Variants in LTN1 observed in about 807,000 individuals in gnomAD.
LTN1 encodes the protein E3 ubiquitin-protein ligase listerin.
LTN1 carries 88 observed loss-of-function variants against 201.2 expected under a neutral mutation model. That is an observed-to-expected ratio of 0.44 (90% CI 0.37 to 0.52). The LOEUF is 0.52. Among genes scored for constraint, LTN1 ranks in the 20% least tolerant of loss-of-function variants. LTN1 has a pLI of 0.00. For synonymous variants in LTN1, 645 were observed against 713.5 expected, an observed-to-expected ratio of 0.90 and a Z score of 1.53; for missense variants, 1,752 against 2,038.7, an observed-to-expected ratio of 0.86 and a Z score of 2.71.
intron 26 of LTN1, among the ~76,000 whole-genome samples, chr21:28,935,534 G>T (rs980203987): frequency 5.9e-5 from 9 of 152,064 alleles, no homozygotes; most frequent in Non-Finnish European, 5.9e-5. Context: ...AATGGCAAAA[G>T]AATTTTTTTT....
Position 28,969,582 on chromosome 21 carries a change from T to G in LTN1, c.1195A>C (p.Lys399Gln). Residue 399 changes from lysine (K) to glutamine (Q), a missense_variant, in exon 9 of 30, where the codon AAA (lysine) becomes CAA (glutamine). Lys to Gln is a moderately conservative substitution (Grantham distance 53). This residue lies in a region of LTN1 where 1,211 missense variants were observed against 1,312.8 expected (regional missense o/e 0.92). Coordinates refer to ENST00000361371, the MANE Select transcript of LTN1 (RefSeq NM_015565.3). ...GCCGAGGACTCTAAAGAGCTGGTTTTAGTTCTCTCTGTTGACAGCCTAAGA... is the reference window on the plus strand; with the variant it reads ...GCCGAGGACTCTAAAGAGCTGGTTTGAGTTCTCTCTGTTGACAGCCTAAGA... ...LVAGLSTERT[K>Q]TSSLESSAVI... is the part of the protein sequence containing the mutation. 1 of 1,604,994 alleles carries G rather than the reference T, an allele frequency of 6.2e-7. No individual in the cohort carries two copies. Among genetic ancestry groups the G allele is most frequent in the Non-Finnish European group, 8.5e-7 (1 of 1,176,666 alleles).
At position 28,972,604 on chromosome 21, in the gene LTN1, G is replaced by A. The variant is rs1011128317; in HGVS notation, c.811-1160C>T. ...GAGAATCAGTGAACTAGAAGACCGA[G>A]CAAAAGAAATTATCCGCAAAGCATC... On this transcript the variant is annotated intron_variant, in intron 6 of 29. Coordinates refer to ENST00000361371, the MANE Select transcript of LTN1 (RefSeq NM_015565.3). Among the ~76,000 whole-genome samples, 7 of 152,156 alleles carry A rather than the reference G, an allele frequency of 4.6e-5. No homozygotes were observed. The East Asian group carries it at 1.2e-3, about 25-fold the overall frequency.
chr21:28,941,355 T>C lies in LTN1; in HGVS notation c.4347A>G (p.Leu1449=). ...MSLLSIQEDL[L]ENVLGCIPVG... is the part of the protein sequence containing the mutation. ...CAGGAATACACCCCAAAACATTTTCTAGTAAGTCCTCTTGAATGCTAAGAA... is the reference window on the plus strand; with the variant it reads ...CAGGAATACACCCCAAAACATTTTCCAGTAAGTCCTCTTGAATGCTAAGAA... The change falls in exon 25 of 30, where the codon CTA becomes CTG. Residue 1449 remains leucine (L), a synonymous_variant. Coordinates refer to ENST00000361371, the MANE Select transcript of LTN1 (RefSeq NM_015565.3). 6.2e-7 allele frequency: 1 copy of C among 1,613,634 alleles called. No homozygotes were observed.
chr21:28,967,076 T>A lies in LTN1; in HGVS notation c.1415A>T (p.Asp472Val). Residue 472 changes from aspartate (D) to valine (V), a missense_variant, in exon 10 of 30, where the codon GAC (aspartate) becomes GTC (valine). Asp to Val is a radical substitution (Grantham distance 152). This residue lies in a region of LTN1 where 1,211 missense variants were observed against 1,312.8 expected (regional missense o/e 0.92). Transcript: ENST00000361371. ...ETLSSWEAKADTEKDEKTAHN... is the reference protein window; with the variant it reads ...ETLSSWEAKAVTEKDEKTAHN... ...AGCTGTTTTTTCATCTTTTTCCGTG[T>A]CTGCTTTGGCTTCCCAGGAACTTAG... 6.2e-7 allele frequency: 1 copy of A among 1,614,152 alleles called. No homozygotes were observed. The highest frequency in any genetic ancestry group is 8.5e-7 in the Non-Finnish European group (1 of 1,180,004).
chr21:28,935,426 CT>C, intron 26 of LTN1, 97 bp from the exon 27 acceptor site: 3 of 774,370 alleles, frequency 3.9e-6, no homozygotes, highest in Non-Finnish European at 6.4e-6. Context: ...TCCTTAATTT[CT>C]CAACAATAGT....
chr21:28,966,535 A>C lies in LTN1; in HGVS notation c.1956T>G (p.Leu652=), dbSNP rs183687567. ...ACTGCACCGCAGGATTTTTTTGTACAAGCTTGGCTATTTCAAGAGGTTTGG... is the reference window on the plus strand; with the variant it reads ...ACTGCACCGCAGGATTTTTTTGTACCAGCTTGGCTATTTCAAGAGGTTTGG... ...VQAKPLEIAK[L]VQKNPAVQFL... Residue 652 remains leucine (L), a synonymous_variant, in exon 10 of 30, where the codon CTT becomes CTG. Coordinates refer to ENST00000361371, the MANE Select transcript of LTN1 (RefSeq NM_015565.3). 59 of 1,614,126 alleles carry C rather than the reference A, an allele frequency of 3.7e-5. No homozygotes were observed. In the African/African-American group the frequency reaches 7.2e-4, roughly 20 times the overall value.
chr21:28,951,353 T>C (rs1221646401), intron 18 of LTN1, among the ~76,000 whole-genome samples: 2 of 152,206 alleles, frequency 1.3e-5, no homozygotes, highest in Non-Finnish European at 2.9e-5. Flanking sequence ...CTCAGCTAAG[T>C]ATTAATTTGA....
At chr21:28,972,382 T>C (rs1396695528) in intron 6 of LTN1, among the ~76,000 whole-genome samples, 4 of 105,658 alleles carry the variant, frequency 3.8e-5, no homozygotes, top group Non-Finnish European at 6.9e-5. Flanking sequence ...CCCACACATA[T>C]ACCAAATTCT....
At chr21:28,937,788 G>A (rs930050651) in intron 25 of LTN1, among the ~76,000 whole-genome samples, 2 of 152,108 alleles carry the variant, frequency 1.3e-5, no homozygotes, top group East Asian at 3.9e-4. Flanking sequence ...ACCAGTAAGT[G>A]TAACAAAAAT....
In LTN1 at chr21:28,966,134, C is replaced by T. The variant is rs182838583; in HGVS notation, c.2122-228G>A. Among the ~76,000 whole-genome samples the T allele has an allele frequency of 2.0e-3, 306 of 152,300 alleles. 1 individual carries two copies. The highest frequency in any genetic ancestry group is 3.6e-3 in the Non-Finnish European group (245 of 68,036). ...CAATACAAAACTAAAATGTTCTTAT[C>T]CAACTTTTTAAATGTATAGATTAAA... On this transcript the variant is annotated intron_variant, in intron 10 of 29. Transcript: ENST00000361371.
intron 22 of LTN1, 39 bp from the exon 23 acceptor site, chr21:28,943,943 G>T: frequency 7.9e-7 from 1 of 1,268,296 alleles, no homozygotes. Context: ...CGTCTCAAAA[G>T]AAAGTTAGTA....
intron 28 of LTN1, among the ~76,000 whole-genome samples, chr21:28,931,923 G>A (rs1474476022): frequency 6.6e-6 from 1 of 152,108 alleles, no homozygotes; most frequent in African/African-American, 2.4e-5. Flanking sequence ...AGAATCGCTT[G>A]AACTGGGAGG....
Position 28,945,758 on chromosome 21 carries a change from A to C in LTN1, c.3768+49T>G, listed in dbSNP as rs551680909. 22 of 1,539,802 alleles carry C rather than the reference A, an allele frequency of 1.4e-5. No individual in the cohort carries two copies. In the South Asian group the frequency reaches 2.5e-4, roughly 17 times the overall value. On this transcript the variant is annotated intron_variant, in intron 21 of 29. Coordinates refer to ENST00000361371, the MANE Select transcript of LTN1 (RefSeq NM_015565.3). ...GATTAGTAAATAGTTCTGATGCAAA[A>C]GTATGTACAAAAACCCACAAGAGGT... is the stretch of plus-strand genomic sequence containing the variant.
intron 1 of LTN1, among the ~76,000 whole-genome samples, chr21:28,988,518 C>A (rs527678947): frequency 6.6e-6 from 1 of 151,538 alleles, no homozygotes; most frequent in Non-Finnish European, 1.5e-5. Flanking sequence ...TTGGAAAATT[C>A]ATCTGACAAG....
chr21:28,957,941 T>C (rs1475364654), intron 14 of LTN1, among the ~76,000 whole-genome samples: 1 of 152,188 alleles, frequency 6.6e-6, no homozygotes, highest in African/African-American at 2.4e-5. Flanking sequence ...GTGGTGACCA[T>C]GAGAGGCTAC....
Position 28,960,835 on chromosome 21 carries a change from C to T in LTN1, c.2164-129G>A, listed in dbSNP as rs915311262. The T allele has an allele frequency of 1.4e-5, 9 of 633,490 alleles. No homozygotes were observed. The African/African-American group carries it at 1.7e-4, about 12-fold the overall frequency. 39.2% of individuals were successfully genotyped at this position (633,490 alleles called of 1,614,324 possible). A position where few individuals can be genotyped will look rare whatever the true frequency, so the allele number is the denominator to read the frequency against. On this transcript the variant is annotated intron_variant, in intron 11 of 29. Transcript: ENST00000361371. ...CAATTCTATCCCCCCTCCTCCTCCT[C>T]CTGAAGTTCTAGGAAGACTGGTATC...
At chr21:28,936,090 C>A (rs77590376) in intron 26 of LTN1, among the ~76,000 whole-genome samples, 4,592 of 152,244 alleles carry the variant, frequency 0.03, 144 homozygotes, top group Non-Finnish European at 0.044. Flanking sequence ...AGATGCAGTC[C>A]ATCCTCAGAT....
intron 6 of LTN1, among the ~76,000 whole-genome samples, chr21:28,973,057 G>A (rs929097225): frequency 2.6e-5 from 4 of 152,080 alleles, no homozygotes; most frequent in Non-Finnish European, 5.9e-5. Context: ...TTTCAAGAAT[G>A]AGGATGAAGG....
At chr21:28,981,058 A>G in intron 6 of LTN1, 61 bp downstream of exon 6, 1 of 1,058,092 alleles carries the variant, frequency 9.5e-7, no homozygotes, top group Non-Finnish European at 1.3e-6. Flanking sequence ...ATAAAACATA[A>G]ACTAAGAAGA....
Sources: gnomAD v4.1 joint callset for allele counts (sites outside exome capture counted in the v4.1 genomes callset) on GRCh38, gnomAD v4.1.1 for gene constraint, gnomAD v4.1.1 regional missense constraint, MANE v1.5 for transcripts, NCBI Gene and HGNC (gene_info 2026-07-23, HGNC 2026-07-21) for gene names.